TLL2: variants seen among roughly 807,000 people sequenced by gnomAD.
TLL2 encodes tolloid-like protein 2.
In TLL2, 106 loss-of-function variants were observed where a neutral mutation model predicts 123.0. The observed-to-expected ratio is 0.86, with a 90% confidence interval of 0.74 to 1.01. TLL2 has a LOEUF of 1.01. TLL2 is among the 50% of genes least tolerant of loss of function. TLL2 has a pLI of 0.00. For missense variants in TLL2, 1,332 were observed against 1,336.7 expected, an observed-to-expected ratio of 1.00 and a Z score of 0.06; for synonymous variants, 494 against 516.8, an observed-to-expected ratio of 0.96 and a Z score of 0.60.
chr10:96,403,808 G>A (rs1245624425), intron 10 of TLL2, among the ~76,000 whole-genome samples: 1 of 152,206 alleles, frequency 6.6e-6, no homozygotes, highest in Non-Finnish European at 1.5e-5. Context: ...AAACCCGATT[G>A]TACATTTGTT....
intron 2 of TLL2, among the ~76,000 whole-genome samples, chr10:96,457,807 C>T (rs1218225459): frequency 1.3e-5 from 2 of 152,156 alleles, no homozygotes; most frequent in East Asian, 3.9e-4. Flanking sequence ...CCCAGAGATG[C>T]TGAAGGCCAA....
At chr10:96,394,912 C>T (rs1260453597) in intron 13 of TLL2, among the ~76,000 whole-genome samples, 4 of 152,388 alleles carry the variant, frequency 2.6e-5, no homozygotes, top group Admixed American at 1.3e-4. Flanking sequence ...ATTCCATGCT[C>T]AGTTTCACTA....
intron 1 of TLL2, among the ~76,000 whole-genome samples, chr10:96,511,218 A>T (rs1847626880): frequency 6.6e-6 from 1 of 152,228 alleles, no homozygotes; most frequent in South Asian, 2.1e-4. Flanking sequence ...TGCCTTAAAT[A>T]TGCAACCAGG....
At position 96,480,459 on chromosome 10, in the gene TLL2, G is replaced by A; in HGVS notation, c.176C>T (p.Ala59Val). Residue 59 changes from alanine to valine, a missense_variant and splice_region_variant, in exon 2 of 21, where the codon GCT becomes GTT. Physicochemically the swap from Ala to Val is moderately conservative, Grantham distance 64 (BLOSUM62 0). Transcript: ENST00000357947. Reference sequence around the variant, plus strand: ...TAAGGCAATGTCTCCCCAAAAGACAGCTGGGAAGGAAACACATAAGTGGGT... The same window carrying A: ...TAAGGCAATGTCTCCCCAAAAGACAACTGGGAAGGAAACACATAAGTGGGT... Reference protein sequence around the residue: ...LEHYHDPCKAAVFWGDIALDE... With the variant: ...LEHYHDPCKAVVFWGDIALDE... 1 of 1,612,644 alleles carries A rather than the reference G, an allele frequency of 6.2e-7. No individual in the cohort carries two copies. The highest frequency in any genetic ancestry group is 8.5e-7 in the Non-Finnish European group (1 of 1,178,586).
chr10:96,476,755 A>G (rs1288595127), intron 2 of TLL2, among the ~76,000 whole-genome samples: 2 of 152,058 alleles, frequency 1.3e-5, no homozygotes, highest in Non-Finnish European at 2.9e-5. Flanking sequence ...AATAAGAGAG[A>G]CCACAACGTG....
At chr10:96,437,061 A>G (rs1302122018) in intron 3 of TLL2, among the ~76,000 whole-genome samples, 1 of 152,048 alleles carries the variant, frequency 6.6e-6, no homozygotes, top group African/African-American at 2.4e-5. Context: ...ATTTTTCTAT[A>G]ATTATTTTTG....
chr10:96,399,136 G>T (rs1336512277), intron 10 of TLL2, among the ~76,000 whole-genome samples: 1 of 152,106 alleles, frequency 6.6e-6, no homozygotes, highest in African/African-American at 2.4e-5. Flanking sequence ...TTCCCAAAGT[G>T]CTGGGTTTAC....
At chr10:96,494,271 C>T (rs1342885223) in intron 1 of TLL2, among the ~76,000 whole-genome samples, 1 of 152,200 alleles carries the variant, frequency 6.6e-6, no homozygotes. Flanking sequence ...GGGGAGACTT[C>T]GAGCCAGGCA....
At chr10:96,381,202 C>G (rs1315201669) in intron 16 of TLL2, among the ~76,000 whole-genome samples, 1 of 152,210 alleles carries the variant, frequency 6.6e-6, no homozygotes, top group Non-Finnish European at 1.5e-5. Context: ...GCCCCCTGCC[C>G]TGCTGCCCTG....
intron 2 of TLL2, among the ~76,000 whole-genome samples, chr10:96,471,374 G>C (rs556969445): frequency 2.6e-5 from 4 of 152,280 alleles, no homozygotes; most frequent in African/African-American, 9.6e-5. Flanking sequence ...CCAAATCCAA[G>C]CATCTGATAG....
At chr10:96,424,531 T>C (rs1009633668) in intron 5 of TLL2, among the ~76,000 whole-genome samples, 1 of 152,194 alleles carries the variant, frequency 6.6e-6, no homozygotes, top group Non-Finnish European at 1.5e-5. Flanking sequence ...TTTTGCCAAT[T>C]GGATAGGTAA....
rs41291626 is a variant in TLL2, at chr10:96,370,242, G to A, written c.2736C>T (p.Asn912=). The A allele has an allele frequency of 4.5e-3, 7,241 of 1,613,526 alleles. 25 individuals are homozygous for A. Among genetic ancestry groups the A allele is most frequent in the Non-Finnish European group, 4.9e-3 (5,787 of 1,179,666 alleles). The change falls in exon 20 of 21, where the codon AAC becomes AAT. Residue 912 remains asparagine (N), a synonymous_variant. Coordinates refer to ENST00000357947, the MANE Select transcript of TLL2 (RefSeq NM_012465.4). ...LYSHAQFGDN[N]YPSEARCDWV... ...AGTCACAGCGGGCCTCGCTCGGGTA[G>A]TTGTTGTCCCCAAACTGGGCGTGGG...
intron 13 of TLL2, among the ~76,000 whole-genome samples, chr10:96,388,167 G>T (rs1005650220): frequency 1.3e-5 from 2 of 152,206 alleles, no homozygotes; most frequent in Admixed American, 1.3e-4. Context: ...ACTTTGGGAG[G>T]CTGAGGCGGG....
intron 1 of TLL2, among the ~76,000 whole-genome samples, chr10:96,486,648 A>C (rs576365381): frequency 6.6e-6 from 1 of 152,222 alleles, no homozygotes; most frequent in African/African-American, 2.4e-5. Context: ...CGTGCCCAGC[A>C]TCCTCCTGCT....
chr10:96,452,589 A>G (rs1244747682), intron 2 of TLL2, among the ~76,000 whole-genome samples: 10 of 152,236 alleles, frequency 6.6e-5, no homozygotes, highest in Non-Finnish European at 1.5e-5. Context: ...AAGGAGGAGA[A>G]AACTGAGGCT....
intron 8 of TLL2, 65 bp downstream of exon 8, chr10:96,413,127 C>T: frequency 6.3e-7 from 1 of 1,583,570 alleles, no homozygotes; most frequent in Non-Finnish European, 8.6e-7. Flanking sequence ...GTTGTTTTCC[C>T]AGCATAGGGA....
intron 2 of TLL2, among the ~76,000 whole-genome samples, chr10:96,457,947 C>T (rs1847033379): frequency 6.6e-6 from 1 of 152,196 alleles, no homozygotes; most frequent in South Asian, 2.1e-4. Context: ...TTTTTATTGT[C>T]TGTCTCCCCA....
chr10:96,446,604 C>T (rs1476984221), intron 2 of TLL2, among the ~76,000 whole-genome samples: 9 of 152,126 alleles, frequency 5.9e-5, no homozygotes, highest in South Asian at 4.1e-4. Flanking sequence ...ATACTCAATG[C>T]GTCCTGTGAC....
chr10:96,401,526 G>GCA lies in TLL2; in HGVS notation c.1267+3704_1267+3705dup, dbSNP rs71486795. On this transcript the variant is annotated intron_variant, in intron 10 of 20. Coordinates refer to ENST00000357947, the MANE Select transcript of TLL2 (RefSeq NM_012465.4). ...TCTACACACACACACACACACACAC[G>GCA]CACACACACAGTTAAAGTGGGTAAA... Among the ~76,000 whole-genome samples, 871 of 137,156 alleles carry GCA rather than the reference G, an allele frequency of 6.4e-3. 6 individuals are homozygous for GCA. Among genetic ancestry groups the GCA allele is most frequent in the Non-Finnish European group, 0.011 (692 of 64,170 alleles). 90.0% of individuals were successfully genotyped at this position (137,156 alleles called of 152,430 possible). A position where few individuals can be genotyped will look rare whatever the true frequency, so the allele number is the denominator to read the frequency against.
Sources: gnomAD v4.1 joint callset for allele counts (sites outside exome capture counted in the v4.1 genomes callset) on GRCh38, gnomAD v4.1.1 for gene constraint, MANE v1.5 for transcripts, NCBI Gene and HGNC (gene_info 2026-07-23, HGNC 2026-07-21) for gene names.